Variants in CNTN5 observed in about 807,000 individuals in gnomAD.
The protein encoded by CNTN5 is contactin 5, also known as contactin-5.
Under a neutral mutation model 129.1 loss-of-function variants are expected in CNTN5, and 77 were observed. The observed-to-expected ratio is 0.60, with a 90% CI of 0.50 to 0.72. CNTN5 has a LOEUF of 0.72. Ranked by LOEUF, CNTN5 falls within the 30% of genes least tolerant of loss-of-function variation. The pLI, the probability that CNTN5 is intolerant of heterozygous loss-of-function variation, is 0.00. For missense variants in CNTN5, 1,478 were observed against 1,328.8 expected (o/e 1.11, Z -1.75); for synonymous variants, 509 against 465.6 (o/e 1.09, Z -1.20).
chr11:99,775,882 C>T (rs183101944), intron 3 of CNTN5, among the ~76,000 whole-genome samples: 11 of 151,902 alleles, frequency 7.2e-5, no homozygotes, highest in African/African-American at 2.4e-4. Flanking sequence ...TCCTTAATAA[C>T]GTTAAATATA....
intron 1 of CNTN5, among the ~76,000 whole-genome samples, chr11:99,316,415 C>A (rs796314256): frequency 2.0e-5 from 3 of 152,116 alleles, no homozygotes; most frequent in African/African-American, 7.2e-5. Context: ...ATAGTAAATT[C>A]TAGAATTTCT....
intron 1 of CNTN5, among the ~76,000 whole-genome samples, chr11:99,072,812 C>T (rs192569310): frequency 8.0e-4 from 121 of 152,192 alleles, no homozygotes; most frequent in African/African-American, 2.8e-3. Flanking sequence ...ACCTTTGTAA[C>T]CATCTCCATG....
intron 1 of CNTN5, among the ~76,000 whole-genome samples, chr11:99,200,602 A>G (rs2135625824): frequency 6.6e-6 from 1 of 152,316 alleles, no homozygotes; most frequent in African/African-American, 2.4e-5. Flanking sequence ...TTCTGCTGCA[A>G]TGTTTCTCTT....
At chr11:100,355,957 G>T (rs956133860) in intron 24 of CNTN5, among the ~76,000 whole-genome samples, 160 bp from the exon 25 acceptor site, 1 of 151,434 alleles carries the variant, frequency 6.6e-6, no homozygotes, top group Non-Finnish European at 1.5e-5. Context: ...ATATAACTTT[G>T]GGAACCTCAG....
chr11:100,272,513 T>G, intron 18 of CNTN5, among the ~76,000 whole-genome samples: 1 of 146,682 alleles, frequency 6.8e-6, no homozygotes, highest in African/African-American at 2.5e-5. Context: ...GGAAGGAGAA[T>G]GGAGGAAGGG....
intron 2 of CNTN5, among the ~76,000 whole-genome samples, chr11:99,411,395 C>T (rs1176599274): frequency 6.6e-6 from 1 of 152,100 alleles, no homozygotes; most frequent in Non-Finnish European, 1.5e-5. Flanking sequence ...TGGTGCCCAC[C>T]TGTAGTCCCA....
At chr11:99,196,512 C>A (rs1858910402) in intron 1 of CNTN5, among the ~76,000 whole-genome samples, 1 of 151,840 alleles carries the variant, frequency 6.6e-6, no homozygotes, top group Non-Finnish European at 1.5e-5. Context: ...TGTAGGTAAG[C>A]TGTGAGTTAT....
chr11:99,336,941 G>T (rs1866253717), intron 2 of CNTN5, among the ~76,000 whole-genome samples: 2 of 152,072 alleles, frequency 1.3e-5, no homozygotes, highest in South Asian at 4.1e-4. Context: ...AAACATGCTT[G>T]GTGTACAGAT....
At chr11:99,733,443 T>C (rs1943602198) in intron 3 of CNTN5, among the ~76,000 whole-genome samples, 1 of 151,638 alleles carries the variant, frequency 6.6e-6, no homozygotes, top group Non-Finnish European at 1.5e-5. Flanking sequence ...TAGAACATGG[T>C]TTGGAAGCTA....
chr11:100,351,408 A>T (rs1420582232), intron 24 of CNTN5, among the ~76,000 whole-genome samples: 1 of 151,440 alleles, frequency 6.6e-6, no homozygotes, highest in African/African-American at 2.4e-5. Context: ...CTTTACATAC[A>T]TCATCTAAGT....
chr11:100,039,306 T>C (rs527975689), intron 9 of CNTN5, among the ~76,000 whole-genome samples: 43 of 152,352 alleles, frequency 2.8e-4, no homozygotes, highest in African/African-American at 9.4e-4. Flanking sequence ...CCCCACTCTC[T>C]TCTGGCTTGT....
At position 99,588,037 on chromosome 11, in the gene CNTN5, C is replaced by T. The variant is rs373706992; in HGVS notation, c.55+31768C>T. On this transcript the variant is annotated intron_variant, in intron 3 of 24. Transcript: ENST00000524871. Reference sequence around the variant, plus strand: ...CTGCTATACCTTCTCCACTGTGAGCCCAAAATCCATAGTTTAAGACCACCG... The same window carrying T: ...CTGCTATACCTTCTCCACTGTGAGCTCAAAATCCATAGTTTAAGACCACCG... Among the ~76,000 whole-genome samples, 6 of 152,214 alleles carry T rather than the reference C, an allele frequency of 3.9e-5. No individual in the cohort carries two copies. In the East Asian group the frequency reaches 1.2e-3, roughly 30 times the overall value.
intron 17 of CNTN5, among the ~76,000 whole-genome samples, chr11:100,268,032 G>A (rs1276429506): frequency 6.6e-6 from 1 of 152,146 alleles, no homozygotes. Flanking sequence ...GATGTAAACA[G>A]TATGAGAGAA....
At chr11:100,091,891 G>C (rs1944801662) in intron 13 of CNTN5, among the ~76,000 whole-genome samples, 1 of 152,052 alleles carries the variant, frequency 6.6e-6, no homozygotes, top group Non-Finnish European at 1.5e-5. Context: ...CAGGTCTTCT[G>C]CAGTTCCTAC....
intron 6 of CNTN5, among the ~76,000 whole-genome samples, chr11:99,902,248 T>C (rs1186146009): frequency 1.3e-5 from 2 of 151,968 alleles, no homozygotes; most frequent in African/African-American, 4.8e-5. Flanking sequence ...AGGAGTTTTT[T>C]TTTTTTTTTT....
intron 13 of CNTN5, among the ~76,000 whole-genome samples, chr11:100,138,366 A>G (rs1480574567): frequency 1.3e-5 from 2 of 152,128 alleles, no homozygotes; most frequent in Non-Finnish European, 2.9e-5. Context: ...GAACTCAGCA[A>G]TGAACAAAAC....
At chr11:99,022,466 T>G (rs1862917313) in intron 1 of CNTN5, among the ~76,000 whole-genome samples, 1 of 152,200 alleles carries the variant, frequency 6.6e-6, no homozygotes, top group African/African-American at 2.4e-5. Flanking sequence ...GTAGTCAATT[T>G]TGAGCAATTC....
chr11:99,525,288 A>T (rs937070750), intron 2 of CNTN5, among the ~76,000 whole-genome samples: 5 of 152,040 alleles, frequency 3.3e-5, no homozygotes, highest in South Asian at 2.1e-4. Context: ...CTTATAATTT[A>T]AAAAAAATAA....
chr11:99,522,095 G>A (rs2135441545), intron 2 of CNTN5, among the ~76,000 whole-genome samples: 1 of 152,284 alleles, frequency 6.6e-6, no homozygotes, highest in South Asian at 2.1e-4. Context: ...CTGACATGAA[G>A]TGGAGGAGGT....
Sources: gnomAD v4.1 joint callset for allele counts (sites outside exome capture counted in the v4.1 genomes callset) on GRCh38, gnomAD v4.1.1 for gene constraint, MANE v1.5 for transcripts, NCBI Gene and HGNC (gene_info 2026-07-23, HGNC 2026-07-21) for gene names.